The following RSRP1 variants were observed in gnomAD, a reference collection of about 807,000 sequenced individuals.
RSRP1 encodes arginine/serine-rich protein 1.
RSRP1 carries 37 observed loss-of-function variants against 33.0 expected under a neutral mutation model. The observed-to-expected ratio is 1.12, with a 90% CI of 0.86 to 1.48. RSRP1 has a LOEUF of 1.48. Ranked by LOEUF, RSRP1 falls within the 40% of genes most tolerant of loss-of-function variation. The pLI, the probability that RSRP1 is intolerant of heterozygous loss-of-function variation, is 0.00. For synonymous variants in RSRP1, 167 were observed against 158.7 expected (o/e 1.05, Z -0.40); for missense variants, 402 against 385.3 (o/e 1.04, Z -0.36).
chr1:25,244,316 C>T, intron 3 of RSRP1: 1 of 1,287,832 alleles, frequency 7.8e-7, no homozygotes, highest in Non-Finnish European at 1.0e-6. Flanking sequence ...TAAAAATTGA[C>T]TTTAATACTT....
In RSRP1 at chr1:25,272,734, G is replaced by A. The variant is rs370565231; in HGVS notation, c.-66-25705C>T. ...GGAAAAGTGGTCACAGGAGCAAATA[G>A]CAGGGGCAGGGGCGGGGGAGGCCTG... On this transcript the variant is annotated intron_variant, in intron 1 of 1. Coordinates refer to the RSRP1 transcript ENST00000561867. 2 of 1,376,622 alleles carry A rather than the reference G, an allele frequency of 1.5e-6. 1 individual carries two copies. The highest frequency in any genetic ancestry group is 4.5e-5 in the East Asian group (2 of 44,622). 85.3% of individuals were successfully genotyped at this position (1,376,622 alleles called of 1,614,324 possible).
intron 1 of RSRP1, among the ~76,000 whole-genome samples, chr1:25,276,600 G>A (rs1641019497): frequency 8.1e-6 from 1 of 123,488 alleles, no homozygotes; most frequent in African/African-American, 2.9e-5. Context: ...TATAGTCCCA[G>A]CTACTCAGTA....
intron 1 of RSRP1, among the ~76,000 whole-genome samples, chr1:25,287,780 G>A (rs1642166132): frequency 1.5e-5 from 2 of 135,048 alleles, no homozygotes; most frequent in African/African-American, 5.1e-5. Context: ...GGAGTGCAGT[G>A]GTACAATCAT....
chr1:25,321,936 T>C lies in RSRP1; in HGVS notation c.-67+16042A>G, dbSNP rs1324748310. On this transcript the variant is annotated intron_variant, in intron 1 of 1. Coordinates refer to the RSRP1 transcript ENST00000561867. ...ATGGAAAGCACCTCATGAGGCTAAA[T>C]ATTTTGATGACCAAGTTTTCTGGAA... The C allele has an allele frequency of 1.3e-5, 18 of 1,335,648 alleles. 6 individuals carry two copies. Among genetic ancestry groups the C allele is most frequent in the Non-Finnish European group, 1.9e-5 (18 of 940,250 alleles). The allele number at this position is 1,335,648 out of a possible 1,614,324, so 82.7% of individuals were successfully genotyped here. A position where few individuals can be genotyped will look rare whatever the true frequency, so the allele number is the denominator to read the frequency against.
intron 1 of RSRP1, among the ~76,000 whole-genome samples, chr1:25,262,391 G>T (rs1640185513): frequency 6.6e-6 from 1 of 152,270 alleles, no homozygotes; most frequent in South Asian, 2.1e-4. Context: ...GGAAGAAACA[G>T]AAAACAAACA....
rs1445889407 is a variant in RSRP1 at position 25,314,088 on chromosome 1, G to A, written c.-67+23890C>T. ...TTTTGGAGCACACGAATGCACTTCT[G>A]TTGATTATATGCCTAGAAGTGAAAT... On this transcript the variant is annotated intron_variant, in intron 1 of 1. Coordinates refer to the RSRP1 transcript ENST00000561867. Among the ~76,000 whole-genome samples the A allele has an allele frequency of 9.0e-5, 12 of 132,742 alleles. 3 individuals are homozygous for A. The highest frequency in any genetic ancestry group is 5.4e-5 in the Non-Finnish European group (3 of 56,004). The allele number at this position is 132,742 out of a possible 152,430, so 87.1% of individuals were successfully genotyped here. A position where few individuals can be genotyped will look rare whatever the true frequency, so the allele number is the denominator to read the frequency against.
chr1:25,248,349 C>CTTTTTT (rs36069810), upstream of RSRP1: 2 of 88,100 alleles, frequency 2.3e-5, no homozygotes, highest in Non-Finnish European at 5.0e-5. Flanking sequence ...GGTTAATTGC[C>CTTTTTT]TTTTTTTTTT....
chr1:25,318,695 G>A (rs1644542107), intron 1 of RSRP1, among the ~76,000 whole-genome samples: 1 of 132,974 alleles, frequency 7.5e-6, no homozygotes, highest in Non-Finnish European at 1.8e-5. Context: ...TAAGCAGGAG[G>A]TGAATGCCAA....
At chr1:25,248,232 GGT>G (rs1263409646), upstream of RSRP1, 2 of 152,132 alleles carry the variant, frequency 1.3e-5, no homozygotes, top group Non-Finnish European at 2.9e-5. Flanking sequence ...AACTGTGTTT[GGT>G]GTGAGTGTAA....
rs529636664 is a variant in RSRP1, at chr1:25,267,519, C to CT, written c.-66-20491_-66-20490insA. Among the ~76,000 whole-genome samples, 890 of 122,120 alleles carry CT rather than the reference C, an allele frequency of 7.3e-3. 108 individuals carry two copies. The highest frequency in any genetic ancestry group is 0.024 in the African/African-American group (834 of 35,312). The allele number at this position is 122,120 out of a possible 152,430, so 80.1% of individuals were successfully genotyped here. A position where few individuals can be genotyped will look rare whatever the true frequency, so the allele number is the denominator to read the frequency against. On this transcript the variant is annotated intron_variant, in intron 1 of 1. Transcript: ENST00000561867. Reference sequence around the variant, plus strand: ...CCCCAGCCACGCCAAGCCGGGAAGTCCCCGCCTCCTGGAGCTGAACCCGCC... The same window carrying CT: ...CCCCAGCCACGCCAAGCCGGGAAGTCTCCCGCCTCCTGGAGCTGAACCCGCC...
Position 25,280,892 on chromosome 1 carries a change from G to A in RSRP1, c.-66-33863C>T, listed in dbSNP as rs1481443563. Among the ~76,000 whole-genome samples the A allele has an allele frequency of 6.8e-5, 9 of 132,492 alleles. 1 individual carries two copies. Among genetic ancestry groups the A allele is most frequent in the African/African-American group, 2.3e-4 (9 of 38,868 alleles). 86.9% of individuals were successfully genotyped at this position (132,492 alleles called of 152,430 possible). A position where few individuals can be genotyped will look rare whatever the true frequency, so the allele number is the denominator to read the frequency against. ...TCCCAAAGTGCTGGGATTGTGCTGG[G>A]ATTACAGGTGTGAGCCACCATACCT... On this transcript the variant is annotated intron_variant, in intron 1 of 1. Transcript: ENST00000561867.
At chr1:25,247,126 C>T (rs1639515755) in intron 1 of RSRP1, 97 bp from the exon 2 acceptor site, 2 of 744,458 alleles carry the variant, frequency 2.7e-6, no homozygotes, top group Non-Finnish European at 4.0e-6. Flanking sequence ...GGCGGAGCCA[C>T]GGCGCGGGCG....
At chr1:25,258,484 T>C (rs916183544) in intron 1 of RSRP1, among the ~76,000 whole-genome samples, 4 of 152,174 alleles carry the variant, frequency 2.6e-5, no homozygotes, top group African/African-American at 9.7e-5. Context: ...AGCCGGCAAC[T>C]GGTGTTCTCA....
rs190780509 is a variant in RSRP1, at chr1:25,307,869, G to A, written c.-67+30109C>T. On this transcript the variant is annotated intron_variant, in intron 1 of 1. Transcript: ENST00000561867. ...GGGGATGAGCTGTGTGAAGCAAGGC[G>A]CCTCTGTGATGGGTTCCAGTGATGT... 54 of 1,281,038 alleles carry A rather than the reference G, an allele frequency of 4.2e-5. 6 individuals carry two copies. The Middle Eastern group carries it at 1.1e-3, about 25-fold the overall frequency. The allele number at this position is 1,281,038 out of a possible 1,614,324, so 79.4% of individuals were successfully genotyped here.
At chr1:25,251,799 C>T (rs148291833), upstream of RSRP1, among the ~76,000 whole-genome samples, 32 of 152,290 alleles carry the variant, frequency 2.1e-4, no homozygotes, top group African/African-American at 7.5e-4. Context: ...CTCCATCCTT[C>T]TTCCTCATAT....
intron 1 of RSRP1, among the ~76,000 whole-genome samples, chr1:25,319,707 T>A (rs1308609576): frequency 7.6e-6 from 1 of 132,156 alleles, no homozygotes; most frequent in Non-Finnish European, 1.8e-5. Context: ...AAGCATTTAA[T>A]TTGTTAATTG....
chr1:25,244,135 G>T, intron 3 of RSRP1: 1 of 1,283,742 alleles, frequency 7.8e-7, no homozygotes, highest in Non-Finnish European at 1.0e-6. Flanking sequence ...AGTGCAATTT[G>T]CTAATGCACA....
In RSRP1 at chr1:25,267,761, G is replaced by A. The variant is rs539079660; in HGVS notation, c.-66-20732C>T. ...TCACCTCAATCAAGACGGGTACGAA[G>A]GCCAACGGACGCCTTCCTTTAGAAC... On this transcript the variant is annotated intron_variant, in intron 1 of 1. Transcript: ENST00000561867. 3.0e-5 allele frequency: 4 copies of A among 132,226 alleles called. No homozygotes were observed. The South Asian group carries it at 7.0e-4, about 23-fold the overall frequency. The allele number at this position is 132,226 out of a possible 1,614,324, so 8.2% of individuals were successfully genotyped here.
chr1:25,261,696 G>A (rs752916312), intron 1 of RSRP1, among the ~76,000 whole-genome samples: 62 of 145,730 alleles, frequency 4.3e-4, no homozygotes, highest in Non-Finnish European at 7.2e-4. Flanking sequence ...GAGCCACCGC[G>A]CCCAGCAGAT....
Sources: allele counts gnomAD v4.1 joint callset (sites outside exome capture counted in the v4.1 genomes callset), GRCh38; gene constraint gnomAD v4.1.1; transcripts MANE v1.5; gene names NCBI Gene and HGNC (gene_info 2026-07-23, HGNC 2026-07-21).